Variants in DST observed in about 807,000 individuals in gnomAD.
DST encodes bullous pemphigoid antigen.
A neutral mutation model predicts 875.2 loss-of-function variants in DST; 253 were observed. The observed-to-expected ratio is 0.29, with a 90% CI of 0.26 to 0.32. The LOEUF (loss-of-function observed/expected upper bound fraction) is 0.32, where lower values mean the gene tolerates loss of function less well. Among genes scored for constraint, DST ranks in the 10% least tolerant of loss-of-function variants. DST has a pLI of 1.00. For synonymous variants in DST, 3,124 were observed against 3,197.1 expected, an observed-to-expected ratio of 0.98 and a Z score of 0.77; for missense variants, 8,287 against 9,111.6, an observed-to-expected ratio of 0.91 and a Z score of 3.68.
chr6:56,755,403 T>C (rs2099599495), intron 4 of DST, among the ~76,000 whole-genome samples: 1 of 152,212 alleles, frequency 6.6e-6, no homozygotes, highest in Admixed American at 6.5e-5. Context: ...ACAAGGAAAC[T>C]AGTATTAATA....
intron 5 of DST, among the ~76,000 whole-genome samples, chr6:56,716,903 C>A (rs1444146945): frequency 2.6e-5 from 4 of 152,044 alleles, no homozygotes; most frequent in Non-Finnish European, 5.9e-5. Context: ...TGCAACCGAC[C>A]GGGTGCGGTG....
intron 85 of DST, 34 bp downstream of exon 85, chr6:56,492,193 A>G: frequency 6.4e-7 from 1 of 1,574,580 alleles, no homozygotes; most frequent in Non-Finnish European, 8.7e-7. Context: ...TGGTTTATTG[A>G]CAAGTTCAGA....
At chr6:56,498,077 T>C (rs772742693) in intron 80 of DST, 24 bp from the exon 81 acceptor site, 1 of 1,593,192 alleles carries the variant, frequency 6.3e-7, no homozygotes, top group Admixed American at 1.7e-5. Context: ...GATAACACCA[T>C]GTTTGCTAGT....
Position 56,492,978 on chromosome 6 carries a change from T to G in DST, c.20506A>C (p.Ser6836Arg). Residue 6836 changes from serine to arginine, a missense_variant, in exon 84 of 104, where the codon AGT becomes CGT. Transcript: ENST00000680361. The stretch of plus-strand genomic sequence containing the variant: ...AATAAGACTGTGTCCAAGATGAGAC[T>G]TGGCCGAGAAGCTACATTTAGGGTC... Reference protein sequence around the residue: ...EQTLNVASRPSLILDTVLFQI... With the variant: ...EQTLNVASRPRLILDTVLFQI... The G allele has an allele frequency of 6.2e-7, 1 of 1,612,624 alleles. No individual in the cohort carries two copies. Among genetic ancestry groups the G allele is most frequent in the Non-Finnish European group, 8.5e-7 (1 of 1,179,260 alleles).
At chr6:56,692,617 G>GA (rs2099238415) in intron 9 of DST, 2 of 1,289,732 alleles carry the variant, frequency 1.6e-6, no homozygotes, top group Non-Finnish European at 2.0e-6. Flanking sequence ...CTTTCGGAAA[G>GA]AAAAAACATC....
At chr6:56,948,242 A>C (rs551726585) in intron 2 of DST, among the ~76,000 whole-genome samples, 1 of 152,126 alleles carries the variant, frequency 6.6e-6, no homozygotes, top group Non-Finnish European at 1.5e-5. Flanking sequence ...TTCCTTACTA[A>C]GTCAAGAAGT....
chr6:56,568,378 T>C, intron 55 of DST, 91 bp downstream of exon 55: 1 of 1,367,880 alleles, frequency 7.3e-7, no homozygotes, highest in Non-Finnish European at 1.0e-6. Flanking sequence ...TGAGGTTATT[T>C]TATGCATTAA....
chr6:56,871,522 C>A, intron 3 of DST: 14 of 1,371,922 alleles, frequency 1.0e-5, no homozygotes, highest in Non-Finnish European at 1.3e-5. Flanking sequence ...GAGGTAGATT[C>A]TCTGGTCATT....
chr6:56,571,196 T>C (rs1392753765), intron 53 of DST, among the ~76,000 whole-genome samples: 1 of 152,220 alleles, frequency 6.6e-6, no homozygotes, highest in Non-Finnish European at 1.5e-5. Flanking sequence ...GGATGACACG[T>C]ACATATATGC....
intron 4 of DST, among the ~76,000 whole-genome samples, chr6:56,763,514 G>A (rs949566748): frequency 6.6e-6 from 1 of 151,394 alleles, no homozygotes; most frequent in African/African-American, 2.4e-5. Context: ...TCTACTAAAC[G>A]TACAAAAATT....
Position 56,606,546 on chromosome 6 carries a change from A to G in DST, c.8082T>C (p.Asp2694=), listed in dbSNP as rs1459577075. The G allele has an allele frequency of 1.1e-5, 17 of 1,613,488 alleles. No individual in the cohort carries two copies. In the East Asian group the frequency reaches 3.8e-4, roughly 36 times the overall value. Residue 2694 remains aspartate (D), a synonymous_variant, in exon 40 of 104, where the codon GAT becomes GAC. Transcript: ENST00000680361. ...CAGAATCTAATTCATCTTTCTCAAC[A>G]TCCATAAGGAAATCCTGAAGACAAT... ...KAHCLQDFLM[D]VEKDELDSGE...
intron 44 of DST, among the ~76,000 whole-genome samples, chr6:56,600,661 T>A (rs992002662): frequency 6.6e-6 from 1 of 152,066 alleles, no homozygotes; most frequent in Non-Finnish European, 1.5e-5. Flanking sequence ...CAAGAAATAA[T>A]AAAAGGAACA....
intron 61 of DST, among the ~76,000 whole-genome samples, chr6:56,547,783 G>A (rs1001203821): frequency 2.6e-5 from 4 of 152,246 alleles, no homozygotes; most frequent in Middle Eastern, 3.4e-3. Flanking sequence ...TTGGTTTACC[G>A]AATATTAAAA....
At chr6:56,626,703 G>A (rs2098738065) in intron 34 of DST, among the ~76,000 whole-genome samples, 1 of 152,142 alleles carries the variant, frequency 6.6e-6, no homozygotes, top group Admixed American at 6.6e-5. Context: ...TCAGAAACAT[G>A]TAGGGTGGTC....
chr6:56,689,868 T>C (rs2099215809), intron 9 of DST, among the ~76,000 whole-genome samples: 1 of 152,094 alleles, frequency 6.6e-6, no homozygotes, highest in Non-Finnish European at 1.5e-5. Flanking sequence ...GTGGGATTTG[T>C]GAAACTAAAG....
In DST at chr6:56,618,018, T is replaced by C. The variant is rs139725585; in HGVS notation, c.4930-3534A>G. 1.5e-5 allele frequency: 24 copies of C among 1,614,160 alleles called. No homozygotes were observed. In the African/African-American group the frequency reaches 2.5e-4, roughly 17 times the overall value. Reference sequence around the variant, plus strand: ...GGTGTCAAAACCTTCACCAGTTCCATTTCACATGCGTTATCTTGATACCTA... The same window carrying C: ...GGTGTCAAAACCTTCACCAGTTCCACTTCACATGCGTTATCTTGATACCTA... On this transcript the variant is annotated intron_variant, in intron 36 of 103. Coordinates refer to ENST00000680361, the MANE Select transcript of DST (RefSeq NM_001374736.1).
At chr6:56,844,850 C>T (rs752424160) in intron 4 of DST, among the ~76,000 whole-genome samples, 32 of 146,050 alleles carry the variant, frequency 2.2e-4, no homozygotes, top group Non-Finnish European at 1.9e-4. Flanking sequence ...CCAGCCTGGG[C>T]GACAGAGCAA....
intron 4 of DST, among the ~76,000 whole-genome samples, chr6:56,794,038 A>C (rs897422406): frequency 1.3e-5 from 2 of 152,224 alleles, no homozygotes; most frequent in African/African-American, 4.8e-5. Flanking sequence ...ATTTTATTTT[A>C]ATACAGGCTG....
In DST at chr6:56,605,614, A is replaced by G. The variant is rs1220941827; in HGVS notation, c.9014T>C (p.Ile3005Thr). 2 of 1,612,902 alleles carry G rather than the reference A, an allele frequency of 1.2e-6. No individual in the cohort carries two copies. Among genetic ancestry groups the G allele is most frequent in the Non-Finnish European group, 1.7e-6 (2 of 1,179,334 alleles). The change falls in exon 40 of 104, where the codon ATA becomes ACA. Residue 3005 changes from isoleucine (I) to threonine (T), a missense_variant. Physicochemically the swap from Ile to Thr is moderately conservative, Grantham distance 89. Transcript: ENST00000680361. Reference sequence around the variant, plus strand: ...ATGGCTTTCCTCAGCAGGTTTTCCTATTAAATCAGGCTCAGTACAAATGAT... The same window carrying G: ...ATGGCTTTCCTCAGCAGGTTTTCCTGTTAAATCAGGCTCAGTACAAATGAT... ...DHIICTEPDLIGKPAEESHLS... is the reference protein window; with the variant it reads ...DHIICTEPDLTGKPAEESHLS...
Sources: gnomAD v4.1 joint callset for allele counts (sites outside exome capture counted in the v4.1 genomes callset) on GRCh38, gnomAD v4.1.1 for gene constraint, MANE v1.5 for transcripts, NCBI Gene and HGNC (gene_info 2026-07-23, HGNC 2026-07-21) for gene names.